The following ACTN4 variants were observed in gnomAD, a reference collection of about 807,000 sequenced individuals.
The protein encoded by ACTN4 is alpha-actinin-4.
In ACTN4, 18 loss-of-function variants were observed where a neutral mutation model predicts 114.2. The observed-to-expected ratio is 0.16, with a 90% CI of 0.11 to 0.23. The LOEUF (loss-of-function observed/expected upper bound fraction) is 0.23, where lower values mean the gene tolerates loss of function less well. ACTN4 is among the 10% of genes least tolerant of loss of function. The pLI, the probability that ACTN4 is intolerant of heterozygous loss-of-function variation, is 1.00. For missense variants in ACTN4, 722 were observed against 1,262.9 expected (o/e 0.57, Z 6.49); for synonymous variants, 515 against 506.3 (o/e 1.02, Z -0.23).
rs201758431 is a variant in ACTN4, at chr19:38,730,154, CA to C, written c.*729del. ...CCAAAAAAAAAAAAAATCACAAAAA[CA>C]AAAAAACTATAAAAAAGAAAGAATT... On this transcript the variant is annotated 3_prime_UTR_variant, in exon 21 of 21. Transcript: ENST00000252699. 647 of 131,062 alleles carry C rather than the reference CA, an allele frequency of 4.9e-3. 6 individuals are homozygous for C. The highest frequency in any genetic ancestry group is 0.017 in the African/African-American group (598 of 34,460). The allele number at this position is 131,062 out of a possible 1,614,324, so 8.1% of individuals were successfully genotyped here.
At chr19:38,663,111 A>C (rs1437062151) in intron 1 of ACTN4, among the ~76,000 whole-genome samples, 9 of 152,008 alleles carry the variant, frequency 5.9e-5, no homozygotes, top group Admixed American at 3.3e-4. Context: ...GGGTTTCATC[A>C]TGTTGGCCGG....
chr19:38,708,323 C>T, intron 6 of ACTN4, 128 bp downstream of exon 6: 4 of 1,005,608 alleles, frequency 4.0e-6, no homozygotes, highest in Non-Finnish European at 4.6e-6. Context: ...AGATGGGCAG[C>T]CTGGGAGAGC....
intron 6 of ACTN4, 44 bp from the exon 7 acceptor site, chr19:38,709,351 C>A: frequency 6.8e-7 from 1 of 1,469,914 alleles, no homozygotes; most frequent in Non-Finnish European, 9.5e-7. Context: ...CTCCTGCACC[C>A]TGCCCTGACG....
At chr19:38,699,025 C>G (rs1185531651) in intron 1 of ACTN4, among the ~76,000 whole-genome samples, 1 of 152,250 alleles carries the variant, frequency 6.6e-6, no homozygotes, top group East Asian at 1.9e-4. Flanking sequence ...TGTCTGCTTG[C>G]TTCTACACTG....
In ACTN4 at chr19:38,726,963, C is replaced by T. The variant is rs1599861794; in HGVS notation, c.2197C>T (p.Arg733Cys). 2 of 1,613,970 alleles carry T rather than the reference C, an allele frequency of 1.2e-6. No individual in the cohort carries two copies. The highest frequency in any genetic ancestry group is 1.7e-6 in the Non-Finnish European group (2 of 1,180,020). ...KHTNYTMEHI[R>C]VGWEQLLTTI... ...CGCCCCCGTCTTTCCGCAGCACATC[C>T]GCGTGGGCTGGGAGCAGCTGCTCAC... Residue 733 changes from arginine (R) to cysteine (C), a missense_variant, in exon 18 of 21, where the codon CGC becomes TGC. By Grantham distance (180) the Arg-to-Cys change is radical. Transcript: ENST00000252699.
At chr19:38,689,107 A>G (rs898810253) in intron 1 of ACTN4, among the ~76,000 whole-genome samples, 4 of 152,226 alleles carry the variant, frequency 2.6e-5, no homozygotes, top group African/African-American at 9.6e-5. Context: ...AGTTGAAAAC[A>G]TGTCCACATA....
chr19:38,657,576 C>G (rs117081857), intron 1 of ACTN4, among the ~76,000 whole-genome samples: 38 of 152,314 alleles, frequency 2.5e-4, no homozygotes, highest in Non-Finnish European at 2.8e-4. Context: ...CTAATAATGT[C>G]TTAATTACAG....
At chr19:38,669,646 T>C (rs1967072564) in intron 1 of ACTN4, among the ~76,000 whole-genome samples, 1 of 152,142 alleles carries the variant, frequency 6.6e-6, no homozygotes, top group Admixed American at 6.5e-5. Context: ...CTTGTTTTAG[T>C]AGCTGCATTT....
chr19:38,681,418 T>C (rs1007725856), intron 1 of ACTN4, among the ~76,000 whole-genome samples: 2 of 152,148 alleles, frequency 1.3e-5, no homozygotes, highest in African/African-American at 4.8e-5. Context: ...CACCCCCCAC[T>C]GCCCAGAGAG....
intron 1 of ACTN4, among the ~76,000 whole-genome samples, chr19:38,684,368 A>G (rs917367262): frequency 1.4e-4 from 21 of 152,054 alleles, no homozygotes; most frequent in African/African-American, 4.8e-4. Flanking sequence ...TAGTGAGAGC[A>G]CTCAGGACCA....
chr19:38,730,847 A>T lies in ACTN4; in HGVS notation c.*1415A>T. 1 of 1,551,066 alleles carries T rather than the reference A, an allele frequency of 6.4e-7. No homozygotes were observed. Among genetic ancestry groups the T allele is most frequent in the South Asian group, 1.2e-5 (1 of 84,084 alleles). ...CTGAGCAGCAGGTGCGCCCATCCGGAGATCCTAGGAGAAGGTGGCCACCTC... is the reference window on the plus strand; with the variant it reads ...CTGAGCAGCAGGTGCGCCCATCCGGTGATCCTAGGAGAAGGTGGCCACCTC... On this transcript the variant is annotated 3_prime_UTR_variant, in exon 21 of 21. Transcript: ENST00000252699.
intron 1 of ACTN4, among the ~76,000 whole-genome samples, chr19:38,697,610 C>A (rs188504415): frequency 1.3e-5 from 2 of 152,252 alleles, no homozygotes. Flanking sequence ...CCCTGCAGAG[C>A]CTGCAGGAGC....
intron 1 of ACTN4, among the ~76,000 whole-genome samples, chr19:38,688,907 A>G (rs1349769857): frequency 6.6e-6 from 1 of 152,154 alleles, no homozygotes; most frequent in East Asian, 1.9e-4. Flanking sequence ...GTTCCTCAAA[A>G]TTTAAACATG....
chr19:38,702,547 G>A (rs530891433), intron 3 of ACTN4, among the ~76,000 whole-genome samples: 3 of 152,322 alleles, frequency 2.0e-5, no homozygotes, highest in African/African-American at 7.2e-5. Flanking sequence ...ACCTGTACTT[G>A]CTGAGCCGGG....
rs1568763903 is a variant in ACTN4 at position 38,731,502 on chromosome 19, CTCCTTAAA to C, written c.*2075_*2082del. On this transcript the variant is annotated 3_prime_UTR_variant, in exon 21 of 21. Transcript: ENST00000252699. ...GTGACTCGATGTGTGGGTACTGTTACTCCTTAAATCCTGTGGGGCTTTCTCCTTGCCAG... is the reference window on the plus strand; with the variant it reads ...GTGACTCGATGTGTGGGTACTGTTACTCCTGTGGGGCTTTCTCCTTGCCAG... The C allele has an allele frequency of 2.0e-6, 1 of 501,204 alleles. No homozygotes were observed. The highest frequency in any genetic ancestry group is 3.7e-6 in the Non-Finnish European group (1 of 273,670). 31.0% of individuals were successfully genotyped at this position (501,204 alleles called of 1,614,324 possible).
chr19:38,696,959 G>A (rs748758242), intron 1 of ACTN4, among the ~76,000 whole-genome samples: 72 of 152,214 alleles, frequency 4.7e-4, no homozygotes, highest in Admixed American at 2.4e-3. Context: ...AACACAGCAC[G>A]GAGTGATTGA....
chr19:38,699,060 G>A (rs1968183377), intron 1 of ACTN4, among the ~76,000 whole-genome samples: 1 of 152,232 alleles, frequency 6.6e-6, no homozygotes, highest in African/African-American at 2.4e-5. Context: ...AGGGGGTGGG[G>A]TACAGGGGTT....
At chr19:38,718,920 CCAGTGCTCACCCTCAGA>C (rs1215748131) in intron 11 of ACTN4, among the ~76,000 whole-genome samples, 2 of 152,208 alleles carry the variant, frequency 1.3e-5, no homozygotes, top group East Asian at 1.9e-4. Flanking sequence ...CGGACCACAG[CCAGTGCTCACCCTCAGA>C]CAGTGCTCAC....
At chr19:38,720,563 C>CTGG (rs1186241179) in intron 11 of ACTN4, among the ~76,000 whole-genome samples, 2 of 152,374 alleles carry the variant, frequency 1.3e-5, no homozygotes, top group East Asian at 3.9e-4. Flanking sequence ...TGTGGGGAGT[C>CTGG]TGGTAGGTGC....
Sources: allele counts gnomAD v4.1 joint callset (sites outside exome capture counted in the v4.1 genomes callset), GRCh38; gene constraint gnomAD v4.1.1; transcripts MANE v1.5; gene names NCBI Gene and HGNC (gene_info 2026-07-23, HGNC 2026-07-21).